The following CUX1 variants were observed in gnomAD, a reference collection of about 807,000 sequenced individuals.
CUX1 encodes protein CASP.
In CUX1, 31 loss-of-function variants were observed where a neutral mutation model predicts 158.8. The observed-to-expected ratio is 0.20, with a 90% confidence interval of 0.15 to 0.26. The LOEUF is 0.26. Ranked by LOEUF, CUX1 falls within the 10% of genes least tolerant of loss-of-function variation. The pLI is 1.00. For missense variants in CUX1, 1,589 were observed against 2,014.6 expected (o/e 0.79, Z 4.04); for synonymous variants, 879 against 862.1 (o/e 1.02, Z -0.34).
chr7:101,941,643 C>G (rs1033812721), intron 2 of CUX1, among the ~76,000 whole-genome samples: 1 of 152,184 alleles, frequency 6.6e-6, no homozygotes, highest in East Asian at 1.9e-4. Context: ...TCCCTCTCTT[C>G]CCTCATCTGG....
chr7:102,156,672 C>T (rs142112286), intron 8 of CUX1, among the ~76,000 whole-genome samples: 10 of 152,250 alleles, frequency 6.6e-5, no homozygotes, highest in African/African-American at 2.4e-4. Context: ...GGACGTGCCT[C>T]CTTGGGACCA....
intron 6 of CUX1, among the ~76,000 whole-genome samples, chr7:102,109,087 T>A (rs1375676235): frequency 6.6e-6 from 1 of 152,148 alleles, no homozygotes; most frequent in Non-Finnish European, 1.5e-5. Context: ...AATATTATAA[T>A]TTTTTGTCAC....
intron 2 of CUX1, among the ~76,000 whole-genome samples, chr7:101,956,157 A>AAG (rs1222128108): frequency 2.0e-5 from 3 of 151,440 alleles, no homozygotes; most frequent in African/African-American, 7.3e-5. Context: ...AAAAAAAAAA[A>AAG]AAAAAAGGAG....
intron 21 of CUX1, among the ~76,000 whole-genome samples, chr7:102,230,802 T>A (rs529491288): frequency 3.3e-4 from 50 of 152,108 alleles, no homozygotes; most frequent in Non-Finnish European, 6.6e-4. Context: ...TCGTCACACA[T>A]CCAAGGAAGC....
intron 8 of CUX1, among the ~76,000 whole-genome samples, chr7:102,137,918 G>T (rs1430289742): frequency 2.0e-5 from 3 of 152,050 alleles, no homozygotes; most frequent in African/African-American, 4.8e-5. Context: ...AAGCACACTG[G>T]CTCACACCTG....
intron 3 of CUX1, among the ~76,000 whole-genome samples, chr7:102,067,553 T>A (rs946851798): frequency 1.5e-4 from 23 of 151,688 alleles, no homozygotes; most frequent in Non-Finnish European, 1.6e-4. Flanking sequence ...TATTTTTTTT[T>A]TATATAATTA....
At chr7:102,274,763 G>A (rs879952212) in intron 16 of CUX1, among the ~76,000 whole-genome samples, 8 of 152,240 alleles carry the variant, frequency 5.3e-5, no homozygotes, top group Admixed American at 5.2e-4. Context: ...CTGCCAAAGT[G>A]CAGCCGGAGG....
At chr7:102,128,147 A>G (rs1832850019) in intron 8 of CUX1, among the ~76,000 whole-genome samples, 1 of 152,216 alleles carries the variant, frequency 6.6e-6, no homozygotes. Context: ...CGGCTGTGGC[A>G]TCTTGAGGTA....
At chr7:102,189,697 C>T in intron 11 of CUX1, 116 bp from the exon 12 acceptor site, 1 of 1,113,620 alleles carries the variant, frequency 9.0e-7, no homozygotes, top group Non-Finnish European at 1.3e-6. Context: ...ACTCCATTCG[C>T]AAGGGCTGGC....
chr7:102,227,708 G>C, intron 21 of CUX1, 39 bp downstream of exon 21: 1 of 1,579,230 alleles, frequency 6.3e-7, no homozygotes, highest in Non-Finnish European at 8.6e-7. Context: ...GGAGGTGGCA[G>C]GGAGTTTGCA....
chr7:102,004,150 G>A (rs933340830), intron 2 of CUX1, among the ~76,000 whole-genome samples: 1 of 152,212 alleles, frequency 6.6e-6, no homozygotes, highest in African/African-American at 2.4e-5. Flanking sequence ...CAATGGGGCT[G>A]AAAGACAGGG....
intron 7 of CUX1, among the ~76,000 whole-genome samples, chr7:102,114,667 C>T (rs190446949): frequency 1.6e-3 from 247 of 152,280 alleles, no homozygotes; most frequent in African/African-American, 5.6e-3. Flanking sequence ...GACTTCAGGC[C>T]AGGAGTTCCA....
intron 2 of CUX1, among the ~76,000 whole-genome samples, chr7:101,977,055 G>C (rs543791098): frequency 6.6e-6 from 1 of 151,808 alleles, no homozygotes; most frequent in Admixed American, 6.6e-5. Context: ...TGGGATTACA[G>C]GTGTGTACCA....
Position 101,869,175 on chromosome 7 carries a change from G to A in CUX1, c.31-46940G>A, listed in dbSNP as rs1036684648. Among the ~76,000 whole-genome samples the A allele has an allele frequency of 6.6e-6, 1 of 152,140 alleles. No homozygotes were observed. Among genetic ancestry groups the A allele is most frequent in the African/African-American group, 2.4e-5 (1 of 41,440 alleles). On this transcript the variant is annotated intron_variant, in intron 1 of 23. Transcript: ENST00000292535. The surrounding 1 kb of genome is among the most constrained non-coding windows in gnomAD (Gnocchi z 4.5). ...GATGTGGGAATGGCTGGTGGGGGCA[G>A]GTAGGGGGAGACCAGGATGAGCCCC...
In CUX1 at chr7:102,187,830, C is replaced by T. The variant is rs557993866; in HGVS notation, c.1018-1983C>T. Among the ~76,000 whole-genome samples the T allele has an allele frequency of 4.6e-5, 7 of 152,164 alleles. No homozygotes were observed. The East Asian group carries it at 1.2e-3, about 25-fold the overall frequency. On this transcript the variant is annotated intron_variant, in intron 11 of 23. Coordinates refer to ENST00000292535, the MANE Select transcript of CUX1 (RefSeq NM_181552.4). ...AGCCCTGAATTTTTAAAACATCGGGCAGGTTGGGATTTGGATGGTGCCATC... is the reference window on the plus strand; with the variant it reads ...AGCCCTGAATTTTTAAAACATCGGGTAGGTTGGGATTTGGATGGTGCCATC...
At chr7:101,863,973 C>A (rs772752038) in intron 1 of CUX1, among the ~76,000 whole-genome samples, 1 of 152,108 alleles carries the variant, frequency 6.6e-6, no homozygotes, top group Non-Finnish European at 1.5e-5. Flanking sequence ...GTTGCTTCTA[C>A]CATTTGGCTG....
At chr7:102,068,744 C>T (rs998068534) in intron 3 of CUX1, among the ~76,000 whole-genome samples, 13 of 152,146 alleles carry the variant, frequency 8.5e-5, no homozygotes, top group South Asian at 6.2e-4. Flanking sequence ...AGGGGACAGA[C>T]GGAATATATA....
At chr7:102,161,581 C>T (rs1356919165) in intron 9 of CUX1, among the ~76,000 whole-genome samples, 5 of 152,092 alleles carry the variant, frequency 3.3e-5, no homozygotes, top group Admixed American at 6.6e-5. Context: ...GCAAGGAGTC[C>T]GTGCCTAGGA....
At chr7:102,123,723 T>TG (rs1832317832) in intron 8 of CUX1, among the ~76,000 whole-genome samples, 1 of 152,008 alleles carries the variant, frequency 6.6e-6, no homozygotes, top group African/African-American at 2.4e-5. Flanking sequence ...AGTACAGTGA[T>TG]GCGATCTTGG....
Sources: gnomAD v4.1 joint callset for allele counts (sites outside exome capture counted in the v4.1 genomes callset) on GRCh38, gnomAD v4.1.1 for gene constraint, Gnocchi (gnomAD v3.1) non-coding constraint, MANE v1.5 for transcripts, NCBI Gene and HGNC (gene_info 2026-07-23, HGNC 2026-07-21) for gene names.